Variants in ATF7IP observed in about 807,000 individuals in gnomAD.
ATF7IP encodes the protein activating transcription factor 7-interacting protein 1.
In ATF7IP, 23 loss-of-function variants were observed where a neutral mutation model predicts 106.4. The observed-to-expected ratio is 0.22, with a 90% CI of 0.16 to 0.31. The LOEUF is 0.31. Ranked by LOEUF, ATF7IP falls within the 10% of genes least tolerant of loss-of-function variation. The pLI is 1.00. For synonymous variants in ATF7IP, 542 were observed against 539.0 expected (o/e 1.01, Z -0.08); for missense variants, 1,334 against 1,524.3 (o/e 0.88, Z 2.08).
At chr12:14,466,424 G>A (rs879098681) in intron 9 of ATF7IP, 102 bp from the exon 10 acceptor site, 77 of 902,146 alleles carry the variant, frequency 8.5e-5, no homozygotes, top group South Asian at 6.7e-4. Context: ...ACATGTTGAC[G>A]GAAAAGTAGT....
intron 13 of ATF7IP, among the ~76,000 whole-genome samples, chr12:14,490,531 G>T (rs531416410): frequency 6.6e-6 from 1 of 152,316 alleles, no homozygotes; most frequent in South Asian, 2.1e-4. Context: ...CCACTGAGAA[G>T]ATGTTCCTTC....
At chr12:14,426,816 C>A (rs1342751560) in intron 2 of ATF7IP, among the ~76,000 whole-genome samples, 2 of 102,776 alleles carry the variant, frequency 1.9e-5, no homozygotes, top group African/African-American at 4.1e-5. Context: ...AAAGTAAGAC[C>A]CTGCCTCAAA....
chr12:14,478,177 T>C (rs2302886), intron 11 of ATF7IP, 140 bp from the exon 12 acceptor site: 378,502 of 772,050 alleles, frequency 0.49, 94,672 homozygotes, highest in East Asian at 0.62. Flanking sequence ...TACACGTAAG[T>C]AAAATGGAAA....
chr12:14,457,148 A>T (rs968015110), intron 7 of ATF7IP, 59 bp from the exon 8 acceptor site: 1 of 1,384,906 alleles, frequency 7.2e-7, no homozygotes, highest in Non-Finnish European at 1.0e-6. Flanking sequence ...TCTAGATATC[A>T]GTTGGTATTC....
chr12:14,444,346 T>C (rs1440776280), intron 5 of ATF7IP, among the ~76,000 whole-genome samples: 1 of 152,200 alleles, frequency 6.6e-6, no homozygotes, highest in Non-Finnish European at 1.5e-5. Flanking sequence ...AGCAGTAATA[T>C]TTGTTATAGG....
rs370197370 is a variant in ATF7IP, at chr12:14,381,255, A to G, written c.-8+15428A>G. 1.6e-4 allele frequency among the ~76,000 whole-genome samples: 25 copies of G among 152,278 alleles called. No individual in the cohort carries two copies. In the East Asian group the frequency reaches 4.6e-3, roughly 28 times the overall value. ...CGTGCTTATTTATTTTTTTTGAGAC[A>G]GAGTCTCATTCGGTCGCCTAGGCTG... On this transcript the variant is annotated intron_variant, in intron 1 of 14. Coordinates refer to ENST00000261168, the MANE Select transcript of ATF7IP (RefSeq NM_018179.5).
chr12:14,423,716 GC>G, intron 1 of ATF7IP, 192 bp from the exon 2 acceptor site: 2 of 524,802 alleles, frequency 3.8e-6, no homozygotes, highest in Admixed American at 8.0e-5. Flanking sequence ...GTAGACTATG[GC>G]CATTTTTGAT....
intron 9 of ATF7IP, among the ~76,000 whole-genome samples, chr12:14,465,532 T>C (rs531195680): frequency 6.6e-6 from 1 of 151,678 alleles, no homozygotes; most frequent in Non-Finnish European, 1.5e-5. Flanking sequence ...TTTGAATATA[T>C]TTTTAAATAA....
intron 5 of ATF7IP, among the ~76,000 whole-genome samples, chr12:14,445,712 A>G (rs755891188): frequency 6.6e-6 from 1 of 152,208 alleles, no homozygotes; most frequent in Non-Finnish European, 1.5e-5. Flanking sequence ...GTTCTCCTCT[A>G]GAAGTGACTG....
intron 6 of ATF7IP, among the ~76,000 whole-genome samples, chr12:14,447,595 A>G (rs998506961): frequency 6.6e-6 from 1 of 152,248 alleles, no homozygotes; most frequent in East Asian, 1.9e-4. Flanking sequence ...AGGTTATGCA[A>G]TTCTTGAAGC....
chr12:14,470,235 T>C (rs1943990002), intron 10 of ATF7IP, among the ~76,000 whole-genome samples: 2 of 152,236 alleles, frequency 1.3e-5, no homozygotes, highest in African/African-American at 4.8e-5. Context: ...AAGTATATTC[T>C]TGTTTCATTA....
chr12:14,459,116 T>C (rs1943545673), intron 8 of ATF7IP, among the ~76,000 whole-genome samples: 1 of 152,204 alleles, frequency 6.6e-6, no homozygotes, highest in South Asian at 2.1e-4. Flanking sequence ...ATAAATACAG[T>C]TGGGCTTTTT....
At chr12:14,463,998 C>A (rs1484140898) in intron 9 of ATF7IP, among the ~76,000 whole-genome samples, 1 of 152,142 alleles carries the variant, frequency 6.6e-6, no homozygotes, top group African/African-American at 2.4e-5. Flanking sequence ...TTTCATTAAA[C>A]ATCTTGTTCT....
chr12:14,462,443 G>T (rs1337842215), intron 9 of ATF7IP, among the ~76,000 whole-genome samples: 2 of 151,570 alleles, frequency 1.3e-5, no homozygotes, highest in African/African-American at 4.8e-5. Flanking sequence ...TGTGATTTTG[G>T]GTTTTCCTCC....
At chr12:14,368,470 A>AT (rs1172858854) in intron 1 of ATF7IP, among the ~76,000 whole-genome samples, 1 of 152,028 alleles carries the variant, frequency 6.6e-6, no homozygotes, top group Non-Finnish European at 1.5e-5. Flanking sequence ...TAAACCTTTC[A>AT]TTTTTTGTTT....
At chr12:14,447,680 T>A (rs1400857208) in intron 6 of ATF7IP, among the ~76,000 whole-genome samples, 1 of 152,222 alleles carries the variant, frequency 6.6e-6, no homozygotes, top group Non-Finnish European at 1.5e-5. Flanking sequence ...TGCATTCTTG[T>A]CAGATTCCCA....
intron 13 of ATF7IP, chr12:14,482,334 AC>A (rs1286497925): frequency 6.3e-6 from 1 of 158,918 alleles, no homozygotes; most frequent in Non-Finnish European, 1.4e-5. Flanking sequence ...GTATTAACTT[AC>A]ATGATCACAA....
intron 6 of ATF7IP, 74 bp from the exon 7 acceptor site, chr12:14,456,487 C>T: frequency 1.0e-6 from 1 of 983,728 alleles, no homozygotes; most frequent in East Asian, 2.5e-5. Flanking sequence ...CAGGCATCTA[C>T]AGGTCTAATT....
rs747194414 is a variant in ATF7IP, at chr12:14,494,284, A to AATATATATATAT, written c.3281-1908_3281-1897dup. 1.7e-3 allele frequency among the ~76,000 whole-genome samples: 90 copies of AATATATATATAT among 53,758 alleles called. 2 individuals are homozygous for AATATATATATAT. Among genetic ancestry groups the AATATATATATAT allele is most frequent in the South Asian group, 3.0e-3 (4 of 1,318 alleles). 35.3% of individuals were successfully genotyped at this position (53,758 alleles called of 152,430 possible). ...TTCTCTAGGGGGACAGAGCTAATAG[A>AATATATATATAT]ATATATATATATATATATATATATA... On this transcript the variant is annotated intron_variant, in intron 13 of 14. Coordinates refer to ENST00000261168, the MANE Select transcript of ATF7IP (RefSeq NM_018179.5).
Sources: gnomAD v4.1 joint callset for allele counts (sites outside exome capture counted in the v4.1 genomes callset) on GRCh38, gnomAD v4.1.1 for gene constraint, MANE v1.5 for transcripts, NCBI Gene and HGNC (gene_info 2026-07-23, HGNC 2026-07-21) for gene names.